Variants in CDKL5 observed in about 807,000 individuals in gnomAD.
CDKL5 encodes cyclin-dependent kinase-like 5.
Under a neutral mutation model 61.7 loss-of-function variants are expected in CDKL5, and 8 were observed. That is an observed-to-expected ratio of 0.13 (90% confidence interval 0.08 to 0.23). CDKL5 has a LOEUF of 0.23. Among genes scored for constraint, CDKL5 ranks in the 10% least tolerant of loss-of-function variants. CDKL5 has a pLI of 1.00. For missense variants in CDKL5, 440 were observed against 734.5 expected (o/e 0.60, Z 4.63); for synonymous variants, 275 against 272.3 (o/e 1.01, Z -0.10).
At chrX:18,490,094 C>T (rs1487103144) in intron 1 of CDKL5, among the ~76,000 whole-genome samples, 2 of 111,502 alleles carry the variant, frequency 1.8e-5, no homozygotes, top group African/African-American at 6.5e-5. Flanking sequence ...TGAGAAGGCA[C>T]GGAAGGCCTG....
At chrX:18,468,789 C>G (rs971008126) in intron 1 of CDKL5, among the ~76,000 whole-genome samples, 1 of 111,284 alleles carries the variant, frequency 9.0e-6, no homozygotes, top group Non-Finnish European at 1.9e-5. Context: ...CTTAGTCTTA[C>G]GTAGTGCTTT....
At chrX:18,588,187 T>G in intron 9 of CDKL5, 44 bp downstream of exon 9, 2 of 979,753 alleles carry the variant, frequency 2.0e-6, no homozygotes, top group Non-Finnish European at 2.9e-6. Flanking sequence ...AATACTGCAG[T>G]ATTTGAGTCA....
intron 3 of CDKL5, among the ~76,000 whole-genome samples, chrX:18,512,945 A>G (rs915379745): frequency 2.7e-5 from 3 of 111,554 alleles, no homozygotes; most frequent in Non-Finnish European, 5.7e-5. Flanking sequence ...CAACATTGCA[A>G]ATGGAAACTT....
chrX:18,523,282 A>G (rs1237090280), intron 3 of CDKL5, among the ~76,000 whole-genome samples: 1 of 110,811 alleles, frequency 9.0e-6, no homozygotes, highest in Non-Finnish European at 1.9e-5. Context: ...ATAACTCTCT[A>G]ATTCCCCTAT....
intron 10 of CDKL5, among the ~76,000 whole-genome samples, chrX:18,597,834 G>A (rs1310127636): frequency 1.8e-5 from 2 of 110,594 alleles, no homozygotes; most frequent in African/African-American, 3.3e-5. Context: ...GACGTCAGAT[G>A]ATCCTCCTGC....
At chrX:18,523,714 T>TG (rs1923334027) in intron 3 of CDKL5, among the ~76,000 whole-genome samples, 1 of 111,402 alleles carries the variant, frequency 9.0e-6, no homozygotes, top group South Asian at 3.8e-4. Context: ...GGGGGGAGAA[T>TG]GTACACCACA....
At chrX:18,573,548 C>A (rs1002481075) in intron 4 of CDKL5, among the ~76,000 whole-genome samples, 1 of 112,324 alleles carries the variant, frequency 8.9e-6, no homozygotes, top group Non-Finnish European at 1.9e-5. Flanking sequence ...TCCCCGATTG[C>A]ATCTCAGACA....
chrX:18,477,160 G>A (rs751029065), intron 1 of CDKL5, among the ~76,000 whole-genome samples: 2 of 110,081 alleles, frequency 1.8e-5, no homozygotes, highest in Admixed American at 9.8e-5. Context: ...GTTGTGAGCC[G>A]GATTCAAGAG....
At chrX:18,588,471 A>G in intron 9 of CDKL5, 1 of 178,595 alleles carries the variant, frequency 5.6e-6, no homozygotes, top group South Asian at 1.2e-4. Context: ...CCCCAAATAT[A>G]CCAAATGTAT....
Position 18,631,983 on chromosome X carries a change from C to G in CDKL5, c.*3226C>G. On this transcript the variant is annotated 3_prime_UTR_variant, in exon 18 of 18. Transcript: ENST00000623535. ...CTGGGGGGGAGGTGATGGTATGCTA[C>G]TGGCATCAAGTGGTTAGAGGCCACA... 1 of 586,065 alleles carries G rather than the reference C, an allele frequency of 1.7e-6. No individual in the cohort carries two copies. The highest frequency in any genetic ancestry group is 1.7e-4 in the East Asian group (1 of 5,933). The allele number at this position is 586,065 out of a possible 1,213,427, so 48.3% of individuals were successfully genotyped here.
chrX:18,541,560 T>C (rs369114697), intron 3 of CDKL5, among the ~76,000 whole-genome samples: 4 of 111,909 alleles, frequency 3.6e-5, no homozygotes, highest in East Asian at 5.6e-4. Context: ...AGACAGGGTG[T>C]CACTCTATCA....
At chrX:18,587,881 C>A in intron 8 of CDKL5, 73 bp from the exon 9 acceptor site, 1 of 992,429 alleles carries the variant, frequency 1.0e-6, no homozygotes, top group South Asian at 1.9e-5. Flanking sequence ...TAAATTTGTT[C>A]ACAATAATTT....
At chrX:18,558,730 C>G (rs1924688726) in intron 3 of CDKL5, among the ~76,000 whole-genome samples, 1 of 112,004 alleles carries the variant, frequency 8.9e-6, no homozygotes, top group African/African-American at 3.2e-5. Context: ...AAGCAACCAT[C>G]TCACTGAGGT....
intron 3 of CDKL5, among the ~76,000 whole-genome samples, chrX:18,515,688 A>G (rs2147098520): frequency 9.0e-6 from 1 of 111,403 alleles, no homozygotes; most frequent in South Asian, 3.8e-4. Flanking sequence ...TAAAGAATAA[A>G]AATGGCAGCA....
intron 1 of CDKL5, among the ~76,000 whole-genome samples, chrX:18,439,045 G>GCCTCCCCCCCC (rs1931674744): frequency 2.7e-5 from 1 of 37,487 alleles, no homozygotes; most frequent in Non-Finnish European, 4.4e-5. Flanking sequence ...GCCCCTTTTT[G>GCCTCCCCCCCC]CCCCCCCCCC....
intron 21 of CDKL5, among the ~76,000 whole-genome samples, chrX:18,651,122 C>G (rs1043732874): frequency 9.7e-6 from 1 of 103,601 alleles, no homozygotes; most frequent in African/African-American, 3.6e-5. Flanking sequence ...CCTCCCCGTC[C>G]CCCCACCACC....
At chrX:18,569,690 G>T (rs759777333) in intron 4 of CDKL5, among the ~76,000 whole-genome samples, 1 of 111,665 alleles carries the variant, frequency 9.0e-6, no homozygotes, top group Admixed American at 9.6e-5. Context: ...CTTTACTTTA[G>T]GAAAACCTAT....
At chrX:18,585,265 C>T (rs1925606309) in intron 8 of CDKL5, among the ~76,000 whole-genome samples, 1 of 110,641 alleles carries the variant, frequency 9.0e-6, no homozygotes, top group Non-Finnish European at 1.9e-5. Context: ...CATGGTGATA[C>T]CTGCCTGTAG....
chrX:18,468,614 G>A (rs1197536093), intron 1 of CDKL5, among the ~76,000 whole-genome samples: 2 of 112,076 alleles, frequency 1.8e-5, no homozygotes, highest in Non-Finnish European at 3.8e-5. Flanking sequence ...TTCTAGATAC[G>A]GTAATTTTAA....
Sources: gnomAD v4.1 joint callset for allele counts (sites outside exome capture counted in the v4.1 genomes callset) on GRCh38, gnomAD v4.1.1 for gene constraint, MANE v1.5 for transcripts, NCBI Gene and HGNC (gene_info 2026-07-23, HGNC 2026-07-21) for gene names.